Variants in REG4 observed in about 807,000 individuals in gnomAD.
REG4 encodes the protein regenerating islet-derived protein 4.
Under a neutral mutation model 22.3 loss-of-function variants are expected in REG4, and 16 were observed. The ratio of observed to expected loss-of-function variants is 0.72; its 90% CI spans 0.49 to 1.09. The LOEUF is 1.09. Among genes scored for constraint, REG4 ranks in the 50% least tolerant of loss-of-function variants. REG4 has a pLI of 0.00. For synonymous variants in REG4, 71 were observed against 69.2 expected (o/e 1.03, Z -0.13); for missense variants, 214 against 193.9 (o/e 1.10, Z -0.61).
intron 2 of REG4, among the ~76,000 whole-genome samples, chr1:119,804,837 TC>T (rs1052171392): frequency 5.3e-5 from 8 of 152,130 alleles, no homozygotes; most frequent in Admixed American, 6.6e-5. Context: ...TTCTTTTTTC[TC>T]CCCCTCCTCC....
intron 3 of REG4, among the ~76,000 whole-genome samples, chr1:119,800,749 G>C (rs1426939439): frequency 6.6e-6 from 1 of 152,224 alleles, no homozygotes; most frequent in African/African-American, 2.4e-5. Context: ...CTCCAGAGGA[G>C]AGGAGACTGC....
intron 5 of REG4, among the ~76,000 whole-genome samples, chr1:119,796,018 G>T (rs1253470993): frequency 2.6e-5 from 4 of 152,242 alleles, no homozygotes; most frequent in Non-Finnish European, 5.9e-5. Flanking sequence ...ATCAGAGGCG[G>T]AGTGCAGGGA....
chr1:119,801,735 C>T (rs1460467989), intron 3 of REG4: 2 of 152,310 alleles, frequency 1.3e-5, no homozygotes, highest in Non-Finnish European at 2.9e-5. Flanking sequence ...AGCCGCACAG[C>T]TCTTGTTGGG....
At chr1:119,808,215 AAT>A (rs1218815270) in intron 2 of REG4, among the ~76,000 whole-genome samples, 2 of 152,188 alleles carry the variant, frequency 1.3e-5, no homozygotes, top group Non-Finnish European at 2.9e-5. Context: ...TGGATTCTAC[AAT>A]ATTGCTACCC....
Position 119,794,548 on chromosome 1 carries a change from G to C in REG4, c.*70C>G. ...GGTTTCCCCTCTGAAATAATGAGCA[G>C]ATTTAGCCAGGCTAGCAGAAAGGAA... is the stretch of plus-strand genomic sequence containing the variant. On this transcript the variant is annotated 3_prime_UTR_variant, in exon 6 of 6. Coordinates refer to ENST00000256585, the MANE Select transcript of REG4 (RefSeq NM_032044.4). The C allele has an allele frequency of 7.1e-7, 1 of 1,399,496 alleles. No homozygotes were observed. Among genetic ancestry groups the C allele is most frequent in the Non-Finnish European group, 1.0e-6 (1 of 984,400 alleles). The allele number at this position is 1,399,496 out of a possible 1,614,324, so 86.7% of individuals were successfully genotyped here.
chr1:119,805,865 G>A (rs899483850), intron 2 of REG4, among the ~76,000 whole-genome samples: 34 of 151,770 alleles, frequency 2.2e-4, no homozygotes, highest in South Asian at 6.3e-4. Flanking sequence ...TGCAAGTTGC[G>A]GCTGTGGCCG....
chr1:119,801,597 C>A (rs1320774864), intron 3 of REG4: 3 of 152,348 alleles, frequency 2.0e-5, no homozygotes, highest in African/African-American at 7.2e-5. Flanking sequence ...ACTCAGGCCT[C>A]TGCCTCTCAA....
At chr1:119,800,479 C>T (rs587718805) in intron 3 of REG4, among the ~76,000 whole-genome samples, 3 of 152,256 alleles carry the variant, frequency 2.0e-5, no homozygotes, top group East Asian at 1.9e-4. Flanking sequence ...ACCTCACATT[C>T]GGTCCTAACA....
At chr1:119,798,627 T>G in intron 4 of REG4, 25 bp from the exon 5 acceptor site, 4 of 1,600,962 alleles carry the variant, frequency 2.5e-6, no homozygotes, top group Admixed American at 1.7e-5. Flanking sequence ...GATGGAGAAG[T>G]GTACAGCTCA....
chr1:119,808,373 C>G (rs1170058447), intron 2 of REG4, among the ~76,000 whole-genome samples: 4 of 152,218 alleles, frequency 2.6e-5, no homozygotes, highest in African/African-American at 7.2e-5. Flanking sequence ...TTGGGGAATT[C>G]TAATTATGGC....
chr1:119,808,919 A>T (rs1377291275), intron 1 of REG4, 56 bp from the exon 2 acceptor site: 1 of 545,502 alleles, frequency 1.8e-6, no homozygotes, highest in Non-Finnish European at 3.3e-6. Flanking sequence ...CAACTAATAC[A>T]TATGGAGGAA....
Position 119,798,528 on chromosome 1 carries a change from G to T in REG4, c.378C>A (p.Asn126Lys). 1.2e-6 allele frequency: 2 copies of T among 1,614,170 alleles called. No individual in the cohort carries two copies. The highest frequency in any genetic ancestry group is 1.7e-6 in the Non-Finnish European group (2 of 1,179,986). Residue 126 changes from asparagine (N) to lysine (K), a missense_variant, in exon 5 of 6, where the codon AAC becomes AAA. Coordinates refer to ENST00000256585, the MANE Select transcript of REG4 (RefSeq NM_032044.4). Reference protein sequence around the residue: ...RSWSGKSMGGNKHCAEMSSNN... With the variant: ...RSWSGKSMGGKKHCAEMSSNN... Reference sequence around the variant, plus strand: ...TGGAGCTCATCTCAGCACAGTGCTTGTTCCCACCCATGGACTTGCCAGACC... The same window carrying T: ...TGGAGCTCATCTCAGCACAGTGCTTTTTCCCACCCATGGACTTGCCAGACC...
chr1:119,808,681 C>T (rs1352228280), intron 2 of REG4, 22 bp downstream of exon 2: 2 of 1,595,630 alleles, frequency 1.3e-6, no homozygotes, highest in East Asian at 2.2e-5. Context: ...GGCTCAGTTC[C>T]AGCTACGTGA....
At chr1:119,803,702 G>A (rs759950741) in intron 2 of REG4, among the ~76,000 whole-genome samples, 15 of 152,240 alleles carry the variant, frequency 9.9e-5, no homozygotes, top group Non-Finnish European at 1.3e-4. Context: ...AAGAGTGGAT[G>A]AGGGACACAA....
At chr1:119,805,691 T>C (rs1020720728) in intron 2 of REG4, among the ~76,000 whole-genome samples, 2 of 152,160 alleles carry the variant, frequency 1.3e-5, no homozygotes. Flanking sequence ...TTTGACTTTC[T>C]ATGTATCTCT....
At chr1:119,805,614 G>C (rs370097349) in intron 2 of REG4, among the ~76,000 whole-genome samples, 2 of 151,950 alleles carry the variant, frequency 1.3e-5, no homozygotes, top group African/African-American at 4.8e-5. Context: ...CCCTTTCTCT[G>C]TCTCTCTTTG....
chr1:119,805,024 A>G (rs75797966), intron 2 of REG4, among the ~76,000 whole-genome samples: 3,376 of 152,270 alleles, frequency 0.022, 129 homozygotes, highest in African/African-American at 0.077. Flanking sequence ...ACACAGTAAG[A>G]TGGAAAAGCT....
intron 3 of REG4, among the ~76,000 whole-genome samples, chr1:119,800,304 G>A (rs181955542): frequency 1.1e-4 from 16 of 152,320 alleles, no homozygotes; most frequent in Non-Finnish European, 1.9e-4. Flanking sequence ...TGTGTCCCAC[G>A]AAGAAAGAAA....
chr1:119,799,595 G>A (rs587694568), intron 4 of REG4, 130 bp downstream of exon 4: 43 of 1,222,126 alleles, frequency 3.5e-5, no homozygotes, highest in Admixed American at 2.3e-4. Context: ...TTTGGTCTCC[G>A]TCAGCTGGAG....
Sources: allele counts gnomAD v4.1 joint callset (sites outside exome capture counted in the v4.1 genomes callset), GRCh38; gene constraint gnomAD v4.1.1; transcripts MANE v1.5; gene names NCBI Gene and HGNC (gene_info 2026-07-23, HGNC 2026-07-21).